Variants in SPTA1 observed in about 807,000 individuals in gnomAD.
SPTA1 encodes spectrin alpha, erythrocytic 1.
SPTA1 carries 177 observed loss-of-function variants against 324.7 expected under a neutral mutation model. The observed-to-expected ratio is 0.55, with a 90% confidence interval of 0.48 to 0.62. The LOEUF (loss-of-function observed/expected upper bound fraction) is 0.62, where lower values mean the gene tolerates loss of function less well. Ranked by LOEUF, SPTA1 falls within the 20% of genes least tolerant of loss-of-function variation. The probability of loss-of-function intolerance (pLI) is 0.00; values close to 1 mark genes in which losing one functional copy is unlikely to be tolerated. For synonymous variants in SPTA1, 1,195 were observed against 1,041.3 expected, an observed-to-expected ratio of 1.15 and a Z score of -2.84; for missense variants, 3,162 against 2,883.6, an observed-to-expected ratio of 1.10 and a Z score of -2.21.
intron 17 of SPTA1, 81 bp from the exon 18 acceptor site, chr1:158,661,490 A>G (rs1653212373): frequency 6.3e-7 from 1 of 1,585,514 alleles, no homozygotes; most frequent in Non-Finnish European, 8.6e-7. Context: ...GAACTCTTGG[A>G]CCCACAGGTT....
At chr1:158,648,462 A>C in intron 26 of SPTA1, 47 bp downstream of exon 26, 1 of 1,613,236 alleles carries the variant, frequency 6.2e-7, no homozygotes, top group Non-Finnish European at 8.5e-7. Context: ...TATACGGCTA[A>C]ATATAGACTG....
chr1:158,619,221 C>A lies in SPTA1; in HGVS notation c.6530+1G>T, dbSNP rs936665671. ...ATGGTTTGGGATGTAGCATAGCACA[C>A]CTGGTTTCCAGGATCCATTGAAGGA... is the stretch of plus-strand genomic sequence containing the variant. On this transcript the variant is annotated splice_donor_variant, in intron 45 of 51. Coordinates refer to ENST00000643759, the MANE Select transcript of SPTA1 (RefSeq NM_003126.4). LOFTEE classifies it high-confidence loss of function. 4.3e-6 allele frequency: 7 copies of A among 1,613,836 alleles called. No homozygotes were observed. Among genetic ancestry groups the A allele is most frequent in the Non-Finnish European group, 5.9e-6 (7 of 1,179,770 alleles).
intron 44 of SPTA1, among the ~76,000 whole-genome samples, chr1:158,619,736 T>C (rs1649791398): frequency 6.6e-6 from 1 of 152,212 alleles, no homozygotes; most frequent in African/African-American, 2.4e-5. Flanking sequence ...ATTACACTTT[T>C]TATGTTTCAT....
intron 48 of SPTA1, chr1:158,615,007 G>C: frequency 1.7e-6 from 1 of 581,330 alleles, no homozygotes; most frequent in South Asian, 2.2e-5. Flanking sequence ...TGATGAGTAG[G>C]CTCAGGTGGA....
At chr1:158,677,382 A>T (rs539442525) in intron 7 of SPTA1, among the ~76,000 whole-genome samples, 1 of 152,330 alleles carries the variant, frequency 6.6e-6, no homozygotes, top group South Asian at 2.1e-4. Context: ...ACTCAGTGAG[A>T]TTAGGAATCA....
At chr1:158,661,216 G>A in intron 18 of SPTA1, 71 bp downstream of exon 18, 1 of 1,609,092 alleles carries the variant, frequency 6.2e-7, no homozygotes, top group Non-Finnish European at 8.5e-7. Flanking sequence ...GAAACCCTAG[G>A]ATAGTACAAA....
intron 42 of SPTA1, 54 bp downstream of exon 42, chr1:158,626,092 A>T: frequency 6.7e-7 from 1 of 1,490,904 alleles, no homozygotes; most frequent in Non-Finnish European, 9.4e-7. Context: ...ATCATGGAGG[A>T]TGAGCTTCTG....
Position 158,620,156 on chromosome 1 carries a change from G to T in SPTA1, c.6417+14C>A, listed in dbSNP as rs776240389. The stretch of plus-strand genomic sequence containing the variant: ...ACTGTAGTGAAAGGAAGTTTCTGCC[G>T]TGTTCCAGGTTACCTCAATGATGTC... On this transcript the variant is annotated intron_variant, in intron 44 of 51. Transcript: ENST00000643759. 26 of 1,614,032 alleles carry T rather than the reference G, an allele frequency of 1.6e-5. No homozygotes were observed. In the South Asian group the frequency reaches 2.7e-4, roughly 17 times the overall value.
intron 27 of SPTA1, among the ~76,000 whole-genome samples, chr1:158,646,134 C>T (rs1045730926): frequency 1.3e-5 from 2 of 152,148 alleles, no homozygotes; most frequent in Non-Finnish European, 2.9e-5. Flanking sequence ...CACACACAGG[C>T]CTCCACACTG....
intron 45 of SPTA1, among the ~76,000 whole-genome samples, chr1:158,618,945 C>T (rs1649740300): frequency 1.3e-5 from 2 of 152,066 alleles, no homozygotes; most frequent in South Asian, 4.1e-4. Flanking sequence ...TTATTTTGGA[C>T]TGAAATTACA....
intron 33 of SPTA1, among the ~76,000 whole-genome samples, chr1:158,640,601 C>T (rs1005133975): frequency 2.6e-5 from 4 of 152,102 alleles, no homozygotes; most frequent in Non-Finnish European, 5.9e-5. Flanking sequence ...ACCTAGGAAT[C>T]CACCTTACAA....
In SPTA1 at chr1:158,668,075, G is replaced by GAAAAAAAA; in HGVS notation, c.1834-21_1834-14dup. ...AGTTCTGTATGTCCTGAGATAAGAT[G>GAAAAAAAA]AAAAAAAAAAAAAAAACCATTACCT... On this transcript the variant is annotated splice_polypyrimidine_tract_variant and intron_variant, in intron 14 of 51. Coordinates refer to ENST00000643759, the MANE Select transcript of SPTA1 (RefSeq NM_003126.4). 1 of 1,476,248 alleles carries GAAAAAAAA rather than the reference G, an allele frequency of 6.8e-7. No individual in the cohort carries two copies. The highest frequency in any genetic ancestry group is 1.9e-5 in the Admixed American group (1 of 52,920). The allele number at this position is 1,476,248 out of a possible 1,614,324, so 91.4% of individuals were successfully genotyped here.
intron 23 of SPTA1, 75 bp from the exon 24 acceptor site, chr1:158,651,543 A>G: frequency 3.1e-6 from 3 of 974,926 alleles, no homozygotes; most frequent in South Asian, 2.6e-5. Context: ...AGAATCTACC[A>G]TACTTACCTG....
In SPTA1 at chr1:158,667,945, C is replaced by A; in HGVS notation, c.1951G>T (p.Gly651Cys). Residue 651 changes from glycine (G) to cysteine (C), a missense_variant, in exon 15 of 52, where the codon GGT (glycine) becomes TGT (cysteine). Physicochemically the swap from Gly to Cys is radical, Grantham distance 159. Transcript: ENST00000643759. Reference sequence around the variant, plus strand: ...GTCACATTGTCAGAGGCATAGTGACCACCCTCAATCATCTCTTGGCCAGTT... The same window carrying A: ...GTCACATTGTCAGAGGCATAGTGACAACCCTCAATCATCTCTTGGCCAGTT... The part of the protein sequence containing the change: ...QKTGQEMIEG[G>C]HYASDNVTTR... The A allele has an allele frequency of 6.2e-7, 1 of 1,613,890 alleles. No individual in the cohort carries two copies. Among genetic ancestry groups the A allele is most frequent in the South Asian group, 1.1e-5 (1 of 91,058 alleles).
chr1:158,651,268 C>A, intron 24 of SPTA1, 99 bp downstream of exon 24: 1 of 821,600 alleles, frequency 1.2e-6, no homozygotes, highest in Non-Finnish European at 2.2e-6. Context: ...TCTGCATGTT[C>A]TAGTGGGTCT....
At chr1:158,653,951 G>A (rs1319602761) in intron 21 of SPTA1, among the ~76,000 whole-genome samples, 1 of 152,068 alleles carries the variant, frequency 6.6e-6, no homozygotes, top group Non-Finnish European at 1.5e-5. Flanking sequence ...TAATGAAGAG[G>A]CCTAGACAAA....
chr1:158,653,134 T>C (rs1652575152), intron 22 of SPTA1, 140 bp downstream of exon 22: 1 of 1,350,190 alleles, frequency 7.4e-7, no homozygotes, highest in Non-Finnish European at 1.0e-6. Flanking sequence ...TAAAAGATTC[T>C]AGGTTTACTT....
intron 38 of SPTA1, among the ~76,000 whole-genome samples, 176 bp downstream of exon 38, chr1:158,635,737 C>T (rs1163614047): frequency 6.6e-6 from 1 of 152,174 alleles, no homozygotes; most frequent in East Asian, 1.9e-4. Flanking sequence ...ATCATCGTGT[C>T]TGGGGTATAT....
At chr1:158,654,381 T>C (rs1311998374) in intron 21 of SPTA1, among the ~76,000 whole-genome samples, 1 of 152,222 alleles carries the variant, frequency 6.6e-6, no homozygotes, top group East Asian at 1.9e-4. Context: ...ATTATATAAC[T>C]TCAATTCTTT....
Sources: gnomAD v4.1 joint callset for allele counts (sites outside exome capture counted in the v4.1 genomes callset) on GRCh38, gnomAD v4.1.1 for gene constraint, MANE v1.5 for transcripts, NCBI Gene and HGNC (gene_info 2026-07-23, HGNC 2026-07-21) for gene names.